HAPLN4: variants seen among roughly 807,000 people sequenced by gnomAD.
HAPLN4 encodes brain link protein 2.
Under a neutral mutation model 28.0 loss-of-function variants are expected in HAPLN4, and 19 were observed. The ratio of observed to expected loss-of-function variants is 0.68; its 90% confidence interval spans 0.47 to 1.00. The LOEUF (loss-of-function observed/expected upper bound fraction) is 1.00, where lower values mean the gene tolerates loss of function less well. HAPLN4 is among the 50% of genes least tolerant of loss of function. The probability of loss-of-function intolerance (pLI) is 0.00; values close to 1 mark genes in which losing one functional copy is unlikely to be tolerated. For synonymous variants in HAPLN4, 274 were observed against 273.0 expected, an observed-to-expected ratio of 1.00 and a Z score of -0.03; for missense variants, 587 against 602.6, an observed-to-expected ratio of 0.97 and a Z score of 0.27.
intron 2 of HAPLN4, 86 bp from the exon 3 acceptor site, chr19:19,261,261 G>T: frequency 7.1e-7 from 1 of 1,416,480 alleles, no homozygotes; most frequent in East Asian, 2.3e-5. Flanking sequence ...AGGGGAACGT[G>T]GGAAGACTCG....
At chr19:19,262,232 G>C (rs1031548029) in intron 1 of HAPLN4, among the ~76,000 whole-genome samples, 6 of 149,430 alleles carry the variant, frequency 4.0e-5, no homozygotes, top group African/African-American at 1.5e-4. Flanking sequence ...AGATGGAAAG[G>C]GAGAGACAGA....
chr19:19,258,827 TC>T lies in HAPLN4; in HGVS notation c.512del (p.Gly171GlufsTer6). 1 of 1,573,932 alleles carries T rather than the reference TC, an allele frequency of 6.4e-7. No individual in the cohort carries two copies. Among genetic ancestry groups the T allele is most frequent in the South Asian group, 1.2e-5 (1 of 86,000 alleles). Reference sequence around the variant, plus strand: ...CCGCGAAGGTCAGCTTGTATCGGCCTCCACGGGGGTGGTAGGGAAAGACCAC... The same window carrying T: ...CCGCGAAGGTCAGCTTGTATCGGCCTCACGGGGGTGGTAGGGAAAGACCAC... ...EGVVFPYHPR[G>X]GRYKLTFAEA... On this transcript the variant is annotated frameshift_variant, in exon 4 of 5. Transcript: ENST00000291481. LOFTEE classifies it high-confidence loss of function. The surrounding 1 kb of genome is among the most constrained non-coding windows in gnomAD (Gnocchi z 6.2).
At position 19,258,509 on chromosome 19, in the gene HAPLN4, T is replaced by C. The variant is rs762575269; in HGVS notation, c.817+14A>G. 3.1e-6 allele frequency: 5 copies of C among 1,610,352 alleles called. No homozygotes were observed. The highest frequency in any genetic ancestry group is 1.6e-4 in the Middle Eastern group (1 of 6,062). The stretch of plus-strand genomic sequence containing the variant: ...GTTGCAGCAGAGGCCAGTCTTGGGG[T>C]GAGGCCTACGCACCCGGCAGGTTGG... On this transcript the variant is annotated intron_variant, in intron 4 of 4. Transcript: ENST00000291481. This position sits in a 1 kb window ranked among gnomAD's most constrained non-coding sequence, Gnocchi z 6.2.
chr19:19,258,031 A>T lies in HAPLN4; in HGVS notation c.995T>A (p.Ile332Asn). Residue 332 changes from isoleucine (I) to asparagine (N), a missense_variant, in exon 5 of 5, where the codon ATC (isoleucine) becomes AAC (asparagine). Transcript: ENST00000291481. The surrounding 1 kb of genome is among the most constrained non-coding windows in gnomAD (Gnocchi z 6.2). ...WLADGSARYPIVNPRARCGGR... is the reference protein window; with the variant it reads ...WLADGSARYPNVNPRARCGGR... Reference sequence around the variant, plus strand: ...TCCGCAGCGCGCTCGCGGGTTCACGATGGGGTAGCGCGCACTGCCATCGGC... The same window carrying T: ...TCCGCAGCGCGCTCGCGGGTTCACGTTGGGGTAGCGCGCACTGCCATCGGC... The T allele has an allele frequency of 6.5e-7, 1 of 1,533,330 alleles. No homozygotes were observed. The highest frequency in any genetic ancestry group is 1.2e-5 in the South Asian group (1 of 84,114). 95.0% of individuals were successfully genotyped at this position (1,533,330 alleles called of 1,614,324 possible).
rs1006243914 is a variant in HAPLN4, at chr19:19,261,377, C to T, written c.121+69G>A. On this transcript the variant is annotated intron_variant, in intron 2 of 4. Coordinates refer to ENST00000291481, the MANE Select transcript of HAPLN4 (RefSeq NM_023002.3). The stretch of plus-strand genomic sequence containing the variant: ...GCGGACGTCAGGAACGCCCTACCCG[C>T]TACCCCTCTCCGCACTTGGCCACTT... 22 of 1,426,464 alleles carry T rather than the reference C, an allele frequency of 1.5e-5. No individual in the cohort carries two copies. The Admixed American group carries it at 2.3e-4, about 15-fold the overall frequency. 88.4% of individuals were successfully genotyped at this position (1,426,464 alleles called of 1,614,324 possible). A position where few individuals can be genotyped will look rare whatever the true frequency, so the allele number is the denominator to read the frequency against.
In HAPLN4 at chr19:19,258,129, G is replaced by A. The variant is rs756183903; in HGVS notation, c.897C>T (p.Ala299=). The A allele has an allele frequency of 1.9e-5, 29 of 1,550,612 alleles. No individual in the cohort carries two copies. Among genetic ancestry groups the A allele is most frequent in the Middle Eastern group, 1.7e-4 (1 of 5,966 alleles). Residue 299 remains alanine, a synonymous_variant, in exon 5 of 5, where the codon GCC becomes GCT. Transcript: ENST00000291481. The surrounding 1 kb of genome is among the most constrained non-coding windows in gnomAD (Gnocchi z 6.2). ...AARACAARGA[A]VAKVGQLFAA... The stretch of plus-strand genomic sequence containing the variant: ...CGAACAGCTGCCCCACCTTGGCCAC[G>A]GCCGCGCCACGCGCAGCACACGCGC...
At position 19,255,031 on chromosome 19, in the gene HAPLN4, T is replaced by C. The variant is rs2060961368; in HGVS notation, c.*2786A>G. ...CCCACATATTCATGTCAGGGAAAGT[T>C]TGTAATGTCTCTCCCTTCCTGGTAC... On this transcript the variant is annotated 3_prime_UTR_variant, in exon 5 of 5. Coordinates refer to ENST00000291481, the MANE Select transcript of HAPLN4 (RefSeq NM_023002.3). 6.6e-6 allele frequency: 1 copy of C among 152,182 alleles called. No individual in the cohort carries two copies. The highest frequency in any genetic ancestry group is 2.4e-5 in the African/African-American group (1 of 41,436). The allele number at this position is 152,182 out of a possible 1,614,324, so 9.4% of individuals were successfully genotyped here.
chr19:19,261,635 G>T, intron 1 of HAPLN4, 72 bp from the exon 2 acceptor site: 2 of 1,040,552 alleles, frequency 1.9e-6, no homozygotes, highest in Non-Finnish European at 1.3e-6. Flanking sequence ...CTCCCTCCCG[G>T]GCCTGCCTTC....
In HAPLN4 at chr19:19,257,712, G is replaced by A. The variant is rs2060969644; in HGVS notation, c.*105C>T. On this transcript the variant is annotated 3_prime_UTR_variant, in exon 5 of 5. Transcript: ENST00000291481. ...ACAGTTAGTTTGTAAGGGACCACAG[G>A]GAATGTGGCCAGTGTCCAGGGCTTC... 1.6e-6 allele frequency: 2 copies of A among 1,268,820 alleles called. No individual in the cohort carries two copies. The highest frequency in any genetic ancestry group is 3.1e-5 in the African/African-American group (2 of 64,558). The allele number at this position is 1,268,820 out of a possible 1,614,324, so 78.6% of individuals were successfully genotyped here. A position where few individuals can be genotyped will look rare whatever the true frequency, so the allele number is the denominator to read the frequency against.
In HAPLN4 at chr19:19,257,664, C is replaced by T; in HGVS notation, c.*153G>A. ...AAAGTACTGTTCTGCCAGGACTAGCCAGTCTTCAGGGACCCCAGGGGCACA... is the reference window on the plus strand; with the variant it reads ...AAAGTACTGTTCTGCCAGGACTAGCTAGTCTTCAGGGACCCCAGGGGCACA... On this transcript the variant is annotated 3_prime_UTR_variant, in exon 5 of 5. Coordinates refer to ENST00000291481, the MANE Select transcript of HAPLN4 (RefSeq NM_023002.3). 1 of 894,672 alleles carries T rather than the reference C, an allele frequency of 1.1e-6. No individual in the cohort carries two copies. The highest frequency in any genetic ancestry group is 3.8e-5 in the South Asian group (1 of 26,664). 55.4% of individuals were successfully genotyped at this position (894,672 alleles called of 1,614,324 possible).
At chr19:19,262,614 G>T in intron 1 of HAPLN4, 116 bp downstream of exon 1, 1 of 1,235,134 alleles carries the variant, frequency 8.1e-7, no homozygotes, top group Non-Finnish European at 1.2e-6. Context: ...GTGAGAGACA[G>T]AGAAAAGGAA....
At position 19,257,910 on chromosome 19, in the gene HAPLN4, CG is replaced by C. The variant is rs2060970519; in HGVS notation, c.1115del (p.Pro372ArgfsTer134). 1.3e-6 allele frequency: 2 copies of C among 1,500,300 alleles called. No individual in the cohort carries two copies. The highest frequency in any genetic ancestry group is 5.3e-5 in the East Asian group (2 of 37,458). The allele number at this position is 1,500,300 out of a possible 1,614,324, so 92.9% of individuals were successfully genotyped here. On this transcript the variant is annotated frameshift_variant, in exon 5 of 5. Transcript: ENST00000291481. LOFTEE classifies it high-confidence loss of function. ...AGCCCCAGCCCCAGCCGCCAGGTGC[CG>C]GGTCCGGTGCTCCTGGAGCGCGGTA... is the stretch of plus-strand genomic sequence containing the variant. ...YCYRAPGAPD[P>X]APGGWGWGWA... is the part of the protein sequence containing the mutation.
intron 3 of HAPLN4, among the ~76,000 whole-genome samples, chr19:19,259,108 T>C (rs2060975911): frequency 6.6e-6 from 1 of 152,202 alleles, no homozygotes; most frequent in Non-Finnish European, 1.5e-5. Context: ...TGGAGGACTT[T>C]GCTCATGCTC....
chr19:19,261,015 G>A lies in HAPLN4; in HGVS notation c.282C>T (p.Ala94=), dbSNP rs2060981433. The A allele has an allele frequency of 6.2e-7, 1 of 1,613,536 alleles. No homozygotes were observed. Among genetic ancestry groups the A allele is most frequent in the Non-Finnish European group, 8.5e-7 (1 of 1,180,012 alleles). ...LKWTKVVDPL[A]FTDVFVALGP... ...CTAGTGCCACGAAGACGTCGGTGAA[G>A]GCCAGCGGGTCCACCACCTTTGTCC... The change falls in exon 3 of 5, where the codon GCC becomes GCT. Residue 94 remains alanine (A), a synonymous_variant. Coordinates refer to ENST00000291481, the MANE Select transcript of HAPLN4 (RefSeq NM_023002.3).
rs1568607184 is a variant in HAPLN4, at chr19:19,255,586, T to A, written c.*2231A>T. On this transcript the variant is annotated 3_prime_UTR_variant, in exon 5 of 5. Coordinates refer to ENST00000291481, the MANE Select transcript of HAPLN4 (RefSeq NM_023002.3). ...AAAAACCCCAAGCCCCCCAAGCTTG[T>A]AACATCTTATCTACCAAAGTGCATT... is the stretch of plus-strand genomic sequence containing the variant. 1.3e-5 allele frequency: 2 copies of A among 152,156 alleles called. No homozygotes were observed. The highest frequency in any genetic ancestry group is 2.9e-5 in the Non-Finnish European group (2 of 68,054). 9.4% of individuals were successfully genotyped at this position (152,156 alleles called of 1,614,324 possible).
Position 19,255,283 on chromosome 19 carries a change from A to T in HAPLN4, c.*2534T>A, listed in dbSNP as rs1023855316. The T allele has an allele frequency of 7.2e-5, 11 of 152,192 alleles. No homozygotes were observed. Among genetic ancestry groups the T allele is most frequent in the African/African-American group, 2.7e-4 (11 of 41,424 alleles). 9.4% of individuals were successfully genotyped at this position (152,192 alleles called of 1,614,324 possible). Reference sequence around the variant, plus strand: ...AGCCCGGCCAGGCGCAGTGGCTCACACCTGTAACCCCAACACTTTGGGAGG... The same window carrying T: ...AGCCCGGCCAGGCGCAGTGGCTCACTCCTGTAACCCCAACACTTTGGGAGG... On this transcript the variant is annotated 3_prime_UTR_variant, in exon 5 of 5. Coordinates refer to ENST00000291481, the MANE Select transcript of HAPLN4 (RefSeq NM_023002.3).
chr19:19,259,800 T>C (rs904833941), intron 3 of HAPLN4, among the ~76,000 whole-genome samples: 6 of 152,216 alleles, frequency 3.9e-5, no homozygotes, highest in Non-Finnish European at 7.3e-5. Flanking sequence ...ACCTAGAATC[T>C]TCTAAAGAGA....
rs754420466 is a variant in HAPLN4 at position 19,257,793 on chromosome 19, C to A, written c.*24G>T. The A allele has an allele frequency of 5.0e-6, 7 of 1,392,660 alleles. No homozygotes were observed. In the South Asian group the frequency reaches 1.2e-4, roughly 25 times the overall value. The allele number at this position is 1,392,660 out of a possible 1,614,324, so 86.3% of individuals were successfully genotyped here. ...GGGCTCTAGACCAGTGGTCAAGCGC[C>A]CTGGCTGTCCGCCTACTCCCAGCCT... On this transcript the variant is annotated 3_prime_UTR_variant, in exon 5 of 5. Coordinates refer to ENST00000291481, the MANE Select transcript of HAPLN4 (RefSeq NM_023002.3).
intron 3 of HAPLN4, among the ~76,000 whole-genome samples, chr19:19,259,869 C>A (rs2060977611): frequency 6.6e-6 from 1 of 152,200 alleles, no homozygotes; most frequent in African/African-American, 2.4e-5. Context: ...CACCTCCCAG[C>A]TCCAGGGTGA....
Sources: gnomAD v4.1 joint callset for allele counts (sites outside exome capture counted in the v4.1 genomes callset) on GRCh38, gnomAD v4.1.1 for gene constraint, Gnocchi (gnomAD v3.1) non-coding constraint, MANE v1.5 for transcripts, NCBI Gene and HGNC (gene_info 2026-07-23, HGNC 2026-07-21) for gene names.